The following ZNF469 variants were observed in gnomAD, a reference collection of about 807,000 sequenced individuals.
The protein encoded by ZNF469 is zinc finger protein 469.
ZNF469 carries 1 observed loss-of-function variant against 1.0 expected under a neutral mutation model. The ratio of observed to expected loss-of-function variants is 1.00; its 90% CI spans 0.35 to 4.73. The LOEUF is 4.73. Ranked by LOEUF, ZNF469 falls within the 30% of genes most tolerant of loss-of-function variation. The probability of loss-of-function intolerance (pLI) is 0.16; values close to 1 mark genes in which losing one functional copy is unlikely to be tolerated. For synonymous variants in ZNF469, 2,703 were observed against 2,363.4 expected (o/e 1.14, Z -4.17); for missense variants, 6,100 against 5,356.3 (o/e 1.14, Z -4.33).
At chr16:88,201,941 A>T in the ZNF469 span, among the ~76,000 whole-genome samples, 1 of 152,196 alleles carries the variant, frequency 6.6e-6, no homozygotes, top group South Asian at 2.1e-4. The surrounding 1 kb of genome is among the most constrained non-coding windows in gnomAD (Gnocchi z 5.0). Flanking sequence ...TGGGGCTCCC[A>T]TGCGGGCCCA....
the ZNF469 span, among the ~76,000 whole-genome samples, chr16:88,247,818 T>A: frequency 6.7e-6 from 1 of 148,674 alleles, no homozygotes; most frequent in Non-Finnish European, 1.5e-5. Flanking sequence ...AGTGAGTGAG[T>A]GAATGAGTGA....
the ZNF469 span, among the ~76,000 whole-genome samples, chr16:88,174,110 T>G: frequency 3.3e-5 from 5 of 152,162 alleles, 1 homozygote; most frequent in African/African-American, 1.2e-4. Context: ...AAATGCAATT[T>G]AAATAAGAAG....
At chr16:88,191,600 G>C in the ZNF469 span, 969 of 152,418 alleles carry the variant, frequency 6.4e-3, 5 homozygotes, top group Non-Finnish European at 9.7e-3. Context: ...CAGGAGAAAA[G>C]GGTGTGAATC....
chr16:88,212,000 C>G, the ZNF469 span, among the ~76,000 whole-genome samples: 29 of 152,304 alleles, frequency 1.9e-4, no homozygotes, highest in African/African-American at 6.0e-4. Context: ...TGTGGAACAG[C>G]TGGTCTTGTA....
the ZNF469 span, among the ~76,000 whole-genome samples, chr16:88,228,571 A>G: frequency 1.3e-5 from 2 of 152,230 alleles, no homozygotes; most frequent in African/African-American, 2.4e-5. Flanking sequence ...CTTATTTTGA[A>G]AGCTCATCCT....
chr16:88,305,446 G>A, the ZNF469 span, among the ~76,000 whole-genome samples: 1 of 109,780 alleles, frequency 9.1e-6, no homozygotes, highest in Non-Finnish European at 1.8e-5. Context: ...GTGCACACAT[G>A]CTCATAGACA....
At chr16:88,337,311 G>A in the ZNF469 span, among the ~76,000 whole-genome samples, 2 of 152,186 alleles carry the variant, frequency 1.3e-5, no homozygotes, top group Admixed American at 1.3e-4. Context: ...GAGATCTGAT[G>A]GTTTTATAGG....
chr16:88,276,130 T>C, the ZNF469 span, among the ~76,000 whole-genome samples: 1 of 152,026 alleles, frequency 6.6e-6, no homozygotes, highest in Non-Finnish European at 1.5e-5. Context: ...TGATCCAGAC[T>C]TAGATGCCAT....
the ZNF469 span, among the ~76,000 whole-genome samples, chr16:88,245,534 G>A: frequency 1.3e-5 from 2 of 152,258 alleles, no homozygotes; most frequent in African/African-American, 4.8e-5. Flanking sequence ...AGCTGCCCAG[G>A]AGAAATCCAA....
At chr16:88,303,830 A>G in the ZNF469 span, among the ~76,000 whole-genome samples, 4 of 152,074 alleles carry the variant, frequency 2.6e-5, no homozygotes, top group African/African-American at 9.7e-5. Flanking sequence ...TCTCATCAGG[A>G]GGTTGTGCAG....
At chr16:88,110,935 G>A in the ZNF469 span, among the ~76,000 whole-genome samples, 19 of 152,246 alleles carry the variant, frequency 1.2e-4, no homozygotes, top group South Asian at 2.7e-3. Context: ...CTGCAGACCC[G>A]GGCCAGCAAT....
At chr16:88,412,299 T>C (rs1905193393) in intron 1 of ZNF469, among the ~76,000 whole-genome samples, 1 of 152,148 alleles carries the variant, frequency 6.6e-6, no homozygotes, top group Non-Finnish European at 1.5e-5. Context: ...GTGCCCACCT[T>C]CCCAGTGCCC....
the ZNF469 span, among the ~76,000 whole-genome samples, chr16:88,252,710 A>T: frequency 6.6e-6 from 1 of 152,230 alleles, no homozygotes; most frequent in African/African-American, 2.4e-5. Context: ...GTATGTGTGT[A>T]TTACTGAAGC....
At chr16:88,239,703 ATATATATATATATTTTTTTTTTT>A in the ZNF469 span, among the ~76,000 whole-genome samples, 1 of 6,322 alleles carries the variant, frequency 1.6e-4, no homozygotes, top group Non-Finnish European at 2.4e-4. Context: ...ATATATATAT[ATATATATATATATTTTTTTTTTT>A]TTTTTTTTTT....
chr16:88,389,461 G>A (rs1391061565), intron 1 of ZNF469, among the ~76,000 whole-genome samples: 3 of 152,230 alleles, frequency 2.0e-5, no homozygotes, highest in African/African-American at 7.2e-5. Context: ...TCCAGCTGCC[G>A]TGAGCTTTTG....
At chr16:88,327,016 C>T in the ZNF469 span, among the ~76,000 whole-genome samples, 1 of 152,144 alleles carries the variant, frequency 6.6e-6, no homozygotes, top group Non-Finnish European at 1.5e-5. Flanking sequence ...TGGGTCAGGG[C>T]GGCCCCGCCT....
intron 2 of ZNF469, among the ~76,000 whole-genome samples, chr16:88,425,283 C>T (rs1223731624): frequency 2.0e-5 from 3 of 152,202 alleles, no homozygotes. Flanking sequence ...ACTCTGAGCC[C>T]CCTCCTCCTC....
chr16:88,333,760 G>A, the ZNF469 span, among the ~76,000 whole-genome samples: 18 of 145,988 alleles, frequency 1.2e-4, no homozygotes, highest in East Asian at 3.5e-3. Context: ...TAAAGATCCC[G>A]AGGAGAATAA....
chr16:88,111,275 C>T, the ZNF469 span, among the ~76,000 whole-genome samples: 4 of 152,104 alleles, frequency 2.6e-5, no homozygotes, highest in South Asian at 2.1e-4. Flanking sequence ...GTGGGTACGT[C>T]GTAGATGTAT....
Sources: allele counts gnomAD v4.1 joint callset (sites outside exome capture counted in the v4.1 genomes callset), GRCh38; gene constraint gnomAD v4.1.1; non-coding constraint Gnocchi (gnomAD v3.1); transcripts MANE v1.5; gene names NCBI Gene and HGNC (gene_info 2026-07-23, HGNC 2026-07-21).